The following WDR36 variants were observed in gnomAD, a reference collection of about 807,000 sequenced individuals.
WDR36 encodes the protein WD repeat-containing protein 36.
In WDR36, 63 loss-of-function variants were observed where a neutral mutation model predicts 112.7. The ratio of observed to expected loss-of-function variants is 0.56; its 90% CI spans 0.46 to 0.69. The LOEUF (loss-of-function observed/expected upper bound fraction) is 0.69. WDR36 is among the 30% of genes least tolerant of loss of function. WDR36 has a pLI of 0.00. For missense variants in WDR36, 1,226 were observed against 1,070.3 expected, an observed-to-expected ratio of 1.15 and a Z score of -2.03; for synonymous variants, 410 against 362.2, an observed-to-expected ratio of 1.13 and a Z score of -1.50.
At chr5:111,100,770 T>C in intron 5 of WDR36, 49 bp downstream of exon 5, 3 of 1,549,886 alleles carry the variant, frequency 1.9e-6, no homozygotes, top group Non-Finnish European at 2.7e-6. Context: ...TATCCTCATC[T>C]ACTACTTCCT....
rs2034897 is a variant in WDR36, at chr5:111,105,862, T to C, written c.1094-195T>C. Reference sequence around the variant, plus strand: ...CATGCATGTATATAAATTTTAAGATTATTTTTAACAATATCTAAAATAACT... The same window carrying C: ...CATGCATGTATATAAATTTTAAGATCATTTTTAACAATATCTAAAATAACT... On this transcript the variant is annotated intron_variant, in intron 10 of 22. Coordinates refer to ENST00000513710, the MANE Select transcript of WDR36 (RefSeq NM_139281.3). Among the ~76,000 whole-genome samples the C allele has an allele frequency of 0.13, 20,321 of 151,678 alleles. 1,462 individuals carry two copies. The highest frequency in any genetic ancestry group is 0.29 in the South Asian group (1,411 of 4,828).
intron 3 of WDR36, among the ~76,000 whole-genome samples, chr5:111,098,097 G>A (rs971475062): frequency 6.6e-6 from 1 of 152,116 alleles, no homozygotes; most frequent in African/African-American, 2.4e-5. Context: ...CAGGGTTAGG[G>A]GAACAAAATA....
chr5:111,092,412 TTTCC>T lies in WDR36; in HGVS notation c.-41_-38del. ...CACGCTGAAGGGACTGGGTACGTGT[TTTCC>T]TTCAGGACCAGAGCTGAGAGGAGCT... On this transcript the variant is annotated 5_prime_UTR_variant, in exon 1 of 23. Coordinates refer to ENST00000513710, the MANE Select transcript of WDR36 (RefSeq NM_139281.3). 1 of 1,614,214 alleles carries T rather than the reference TTTCC, an allele frequency of 6.2e-7. No individual in the cohort carries two copies. Among genetic ancestry groups the T allele is most frequent in the East Asian group, 2.2e-5 (1 of 44,886 alleles).
chr5:111,113,120 G>A lies in WDR36; in HGVS notation c.1763G>A (p.Cys588Tyr). ...GRWLISAAMD[C>Y]SIRTWDLPSG... is the part of the protein sequence containing the mutation. ...TGGTTAATAAGTGCTGCGATGGATT[G>A]CTCTATTAGGACTTGGGACCTTCCT... The change falls in exon 16 of 23, where the codon TGC (cysteine) becomes TAC (tyrosine). Residue 588 changes from cysteine (C) to tyrosine (Y), a missense_variant. By Grantham distance (194) the Cys-to-Tyr change is radical (BLOSUM62 -2). Transcript: ENST00000513710. 1.3e-6 allele frequency: 2 copies of A among 1,585,412 alleles called. No homozygotes were observed. The highest frequency in any genetic ancestry group is 1.7e-6 in the Non-Finnish European group (2 of 1,164,226).
In WDR36 at chr5:111,127,989, T is replaced by C; in HGVS notation, c.*1106T>C. The C allele has an allele frequency of 4.9e-6, 1 of 203,718 alleles. No individual in the cohort carries two copies. Among genetic ancestry groups the C allele is most frequent in the Non-Finnish European group, 1.0e-5 (1 of 99,726 alleles). 12.6% of individuals were successfully genotyped at this position (203,718 alleles called of 1,614,324 possible). A position where few individuals can be genotyped will look rare whatever the true frequency, so the allele number is the denominator to read the frequency against. Reference sequence around the variant, plus strand: ...ACCTTTTAATTTGGGAAGAAAATGCTGAGTATACTTTTCTTTCACAACCAT... The same window carrying C: ...ACCTTTTAATTTGGGAAGAAAATGCCGAGTATACTTTTCTTTCACAACCAT... On this transcript the variant is annotated 3_prime_UTR_variant, in exon 23 of 23. Coordinates refer to ENST00000513710, the MANE Select transcript of WDR36 (RefSeq NM_139281.3).
In WDR36 at chr5:111,123,827, C is replaced by G. The variant is rs772842979; in HGVS notation, c.2171C>G (p.Pro724Arg). ...CAGAAAAAGAATAAACCAAAGGAAC[C>G]ACCCAAAGTACCCAAATCAGCACCA... Reference protein sequence around the residue: ...VIKKKNKPKEPPKVPKSAPFF... With the variant: ...VIKKKNKPKERPKVPKSAPFF... The change falls in exon 20 of 23, where the codon CCA (proline) becomes CGA (arginine). Residue 724 changes from proline (P) to arginine (R), a missense_variant. Pro to Arg is a moderately radical substitution (Grantham distance 103). Transcript: ENST00000513710. The G allele has an allele frequency of 1.2e-6, 2 of 1,613,708 alleles. No individual in the cohort carries two copies. Among genetic ancestry groups the G allele is most frequent in the Non-Finnish European group, 1.7e-6 (2 of 1,179,840 alleles).
At chr5:111,110,345 T>C (rs754225405) in intron 13 of WDR36, 42 bp downstream of exon 13, 7 of 1,464,700 alleles carry the variant, frequency 4.8e-6, no homozygotes, top group Non-Finnish European at 6.7e-6. Context: ...TGTAGATAGA[T>C]ACAAAACTAG....
intron 15 of WDR36, 31 bp downstream of exon 15, chr5:111,111,309 C>G: frequency 6.4e-7 from 1 of 1,556,778 alleles, no homozygotes; most frequent in Non-Finnish European, 8.9e-7. Flanking sequence ...TAAAACTTGA[C>G]TCATTTCTAC....
At chr5:111,093,894 TCTC>T (rs1451785473) in intron 1 of WDR36, among the ~76,000 whole-genome samples, 1 of 152,150 alleles carries the variant, frequency 6.6e-6, no homozygotes, top group Non-Finnish European at 1.5e-5. Context: ...GCTTTTAAGT[TCTC>T]CTCTAGTTCT....
intron 4 of WDR36, among the ~76,000 whole-genome samples, chr5:111,100,387 G>C (rs1364706284): frequency 6.6e-6 from 1 of 151,674 alleles, no homozygotes; most frequent in African/African-American, 2.4e-5. Flanking sequence ...ATTTTTGACA[G>C]TCTAAATTAA....
rs67437234 is a variant in WDR36, at chr5:111,099,463, G to GTTTTTTTTTTTTTTTTTTTTTTT, written c.409+645_409+646insTTTTTTTTTTTTTTTTTTTTTTT. On this transcript the variant is annotated intron_variant, in intron 4 of 22. Transcript: ENST00000513710. The stretch of plus-strand genomic sequence containing the variant: ...TTGGTTTTTTTTTGTTTTTTTTTTT[G>GTTTTTTTTTTTTTTTTTTTTTTT]TTTTTTTTTTTTTTTTTTTTTCAGT... 4.1e-3 allele frequency among the ~76,000 whole-genome samples: 346 copies of GTTTTTTTTTTTTTTTTTTTTTTT among 84,694 alleles called. 3 individuals carry two copies. The highest frequency in any genetic ancestry group is 0.013 in the Middle Eastern group (2 of 158). The allele number at this position is 84,694 out of a possible 152,430, so 55.6% of individuals were successfully genotyped here.
At chr5:111,110,102 A>G (rs1753296098) in intron 12 of WDR36, 87 bp from the exon 13 acceptor site, 2 of 865,812 alleles carry the variant, frequency 2.3e-6, no homozygotes, top group Non-Finnish European at 3.9e-6. Context: ...ATAAAAAGGA[A>G]CAAGTAGATA....
chr5:111,116,543 G>C (rs1358794233), intron 16 of WDR36, among the ~76,000 whole-genome samples: 1 of 152,134 alleles, frequency 6.6e-6, no homozygotes, highest in Non-Finnish European at 1.5e-5. Flanking sequence ...CTCTGATCTT[G>C]TAAATCTGAT....
At position 111,104,073 on chromosome 5, in the gene WDR36, A is replaced by G. The variant is rs1002888900; in HGVS notation, c.731-104A>G. On this transcript the variant is annotated intron_variant, in intron 7 of 22. Transcript: ENST00000513710. Reference sequence around the variant, plus strand: ...AAATATGAATAGATTATTGGTATATAGTTTTTTTCTAACTTTATGGATTAA... The same window carrying G: ...AAATATGAATAGATTATTGGTATATGGTTTTTTTCTAACTTTATGGATTAA... 11 of 1,385,586 alleles carry G rather than the reference A, an allele frequency of 7.9e-6. No homozygotes were observed. The African/African-American group carries it at 1.6e-4, about 20-fold the overall frequency. 85.8% of individuals were successfully genotyped at this position (1,385,586 alleles called of 1,614,324 possible). A position where few individuals can be genotyped will look rare whatever the true frequency, so the allele number is the denominator to read the frequency against.
rs113678206 is a variant in WDR36 at position 111,107,748 on chromosome 5, T to TG, written c.1326+309_1326+310insG. On this transcript the variant is annotated intron_variant, in intron 12 of 22. Coordinates refer to ENST00000513710, the MANE Select transcript of WDR36 (RefSeq NM_139281.3). ...ACTATTTGTTCAAAAGACTATTCTT[T>TG]CTCCATTGAAAGATCTTGTTTCCTC... is the stretch of plus-strand genomic sequence containing the variant. Among the ~76,000 whole-genome samples, 5,129 of 151,060 alleles carry TG rather than the reference T, an allele frequency of 0.034. 302 individuals are homozygous for TG. The highest frequency in any genetic ancestry group is 0.12 in the African/African-American group (4,856 of 41,346).
intron 22 of WDR36, 36 bp downstream of exon 22, chr5:111,125,831 C>A (rs774490332): frequency 6.2e-7 from 1 of 1,610,170 alleles, no homozygotes; most frequent in Non-Finnish European, 8.5e-7. Context: ...CCCAGCTTGT[C>A]TTCTTCTGGG....
At chr5:111,107,726 A>G (rs1432596284) in intron 12 of WDR36, among the ~76,000 whole-genome samples, 3 of 150,874 alleles carry the variant, frequency 2.0e-5, no homozygotes, top group African/African-American at 7.3e-5. Context: ...TCCCAGCACT[A>G]TTTGTTCAAA....
chr5:111,113,713 G>A (rs562999118), intron 16 of WDR36, among the ~76,000 whole-genome samples: 1 of 152,208 alleles, frequency 6.6e-6, no homozygotes, highest in Non-Finnish European at 1.5e-5. Context: ...CCAGGTCAAA[G>A]GGCCATATCT....
At chr5:111,107,844 A>G (rs1418001186) in intron 12 of WDR36, among the ~76,000 whole-genome samples, 1 of 151,326 alleles carries the variant, frequency 6.6e-6, no homozygotes, top group Non-Finnish European at 1.5e-5. Context: ...ATTGATCTGT[A>G]TGTCTGTTCT....
Sources: gnomAD v4.1 joint callset for allele counts (sites outside exome capture counted in the v4.1 genomes callset) on GRCh38, gnomAD v4.1.1 for gene constraint, MANE v1.5 for transcripts, NCBI Gene and HGNC (gene_info 2026-07-23, HGNC 2026-07-21) for gene names.